The following AUTS2 variants were observed in gnomAD, a reference collection of about 807,000 sequenced individuals.
AUTS2 encodes autism susceptibility gene 2 protein.
In AUTS2, 17 loss-of-function variants were observed where a neutral mutation model predicts 112.4. The observed-to-expected ratio is 0.15, with a 90% confidence interval of 0.10 to 0.23. The LOEUF (loss-of-function observed/expected upper bound fraction) is 0.23, where lower values mean the gene tolerates loss of function less well. AUTS2 is among the 10% of genes least tolerant of loss of function. The probability of loss-of-function intolerance (pLI) is 1.00; values close to 1 mark genes in which losing one functional copy is unlikely to be tolerated. For synonymous variants in AUTS2, 751 were observed against 702.7 expected, an observed-to-expected ratio of 1.07 and a Z score of -1.09; for missense variants, 1,510 against 1,701.6, an observed-to-expected ratio of 0.89 and a Z score of 1.98.
At chr7:69,983,442 A>T in intron 2 of AUTS2, among the ~76,000 whole-genome samples, 1 of 151,320 alleles carries the variant, frequency 6.6e-6, no homozygotes, top group South Asian at 2.1e-4. Context: ...CATCTGAGTT[A>T]TTGGGGGTGA....
chr7:69,702,214 A>C (rs1003961667), intron 1 of AUTS2, among the ~76,000 whole-genome samples: 23 of 152,272 alleles, frequency 1.5e-4, no homozygotes, highest in African/African-American at 5.1e-4. Flanking sequence ...CATTTTGGGG[A>C]AAGTAGGTAC....
At chr7:69,918,170 G>A (rs1470922256) in intron 2 of AUTS2, among the ~76,000 whole-genome samples, 1 of 152,072 alleles carries the variant, frequency 6.6e-6, no homozygotes, top group African/African-American at 2.4e-5. Context: ...CTAAGAAAAT[G>A]TTCAGTTTGT....
At chr7:69,727,236 G>T (rs1786560210) in intron 1 of AUTS2, among the ~76,000 whole-genome samples, 1 of 152,090 alleles carries the variant, frequency 6.6e-6, no homozygotes, top group South Asian at 2.1e-4. Context: ...AGTCGTTCCA[G>T]CACTATTTGT....
At chr7:69,971,156 C>T (rs576447538) in intron 2 of AUTS2, among the ~76,000 whole-genome samples, 7 of 152,172 alleles carry the variant, frequency 4.6e-5, no homozygotes, top group Admixed American at 1.3e-4. Flanking sequence ...TTAGCTTGGG[C>T]GACAGAGCAA....
At chr7:69,604,402 T>G (rs1011181931) in intron 1 of AUTS2, among the ~76,000 whole-genome samples, 7 of 152,198 alleles carry the variant, frequency 4.6e-5, no homozygotes, top group African/African-American at 1.7e-4. Flanking sequence ...CAAACATAAA[T>G]CTAGCGTTTT....
In AUTS2 at chr7:70,639,616, CAAA is replaced by C. The variant is rs5884790; in HGVS notation, c.691-58935_691-58933del. Among the ~76,000 whole-genome samples the C allele has an allele frequency of 3.1e-3, 234 of 75,046 alleles. 1 individual carries two copies. Among genetic ancestry groups the C allele is most frequent in the African/African-American group, 0.013 (222 of 17,402 alleles). The allele number at this position is 75,046 out of a possible 152,430, so 49.2% of individuals were successfully genotyped here. ...TGGGTGATAGAGCGAGACCCTGTCT[CAAA>C]AAAAAAAAAAAAAAAAATAGGGAAT... On this transcript the variant is annotated intron_variant, in intron 5 of 18. Transcript: ENST00000342771.
chr7:70,149,373 A>C (rs1194947461), intron 4 of AUTS2, among the ~76,000 whole-genome samples: 2 of 152,078 alleles, frequency 1.3e-5, no homozygotes, highest in Non-Finnish European at 2.9e-5. Context: ...GAAAAATGGC[A>C]GCATACACAT....
At chr7:70,399,834 A>G (rs1241387755) in intron 4 of AUTS2, among the ~76,000 whole-genome samples, 1 of 152,248 alleles carries the variant, frequency 6.6e-6, no homozygotes. Context: ...CATACAGCCC[A>G]GTGGAGGAGA....
chr7:70,790,776 C>T lies in AUTS2; in HGVS notation c.3560C>T (p.Pro1187Leu), dbSNP rs1554489359. 6.2e-7 allele frequency: 1 copy of T among 1,612,774 alleles called. No homozygotes were observed. The highest frequency in any genetic ancestry group is 8.5e-7 in the Non-Finnish European group (1 of 1,179,598). The change falls in exon 19 of 19, where the codon CCG (proline) becomes CTG (leucine). Residue 1187 changes from proline to leucine, a missense_variant. By Grantham distance (98) the Pro-to-Leu change is moderately conservative. This residue lies in a region of AUTS2 where 788 missense variants were observed against 797.6 expected (regional missense o/e 0.99). Coordinates refer to ENST00000342771, the MANE Select transcript of AUTS2 (RefSeq NM_015570.4). The surrounding 1 kb of genome is among the most constrained non-coding windows in gnomAD (Gnocchi z 7.6). Reference protein sequence around the residue: ...GHLPHPSLITPGLPSMHYPRI... With the variant: ...GHLPHPSLITLGLPSMHYPRI... ...CTCCCCCACCCCAGCCTCATCACCCCGGGACTCCCCAGCATGCACTATCCC... is the reference window on the plus strand; with the variant it reads ...CTCCCCCACCCCAGCCTCATCACCCTGGGACTCCCCAGCATGCACTATCCC...
At chr7:70,251,731 T>C (rs1253075796) in intron 4 of AUTS2, among the ~76,000 whole-genome samples, 1 of 152,194 alleles carries the variant, frequency 6.6e-6, no homozygotes, top group Non-Finnish European at 1.5e-5. Context: ...ACCTAATCTA[T>C]TGTTAATTCT....
At chr7:70,701,086 A>G (rs1330323891) in intron 6 of AUTS2, among the ~76,000 whole-genome samples, 6 of 152,258 alleles carry the variant, frequency 3.9e-5, no homozygotes, top group East Asian at 3.8e-4. Context: ...TAAGTTACAC[A>G]TCACTTCTCC....
chr7:70,031,113 A>T (rs1800759009), intron 2 of AUTS2, among the ~76,000 whole-genome samples: 2 of 152,182 alleles, frequency 1.3e-5, no homozygotes, highest in Admixed American at 1.3e-4. Flanking sequence ...TCGCTCTCCA[A>T]TCTGAGTCTA....
At chr7:70,193,568 G>T (rs1810016279) in intron 4 of AUTS2, among the ~76,000 whole-genome samples, 1 of 152,154 alleles carries the variant, frequency 6.6e-6, no homozygotes. Flanking sequence ...GATGTTTAAG[G>T]ACACCTCGTC....
intron 6 of AUTS2, among the ~76,000 whole-genome samples, chr7:70,741,179 GTTTAT>G (rs1276062972): frequency 6.6e-6 from 1 of 151,912 alleles, no homozygotes. Flanking sequence ...TTAAGATAAG[GTTTAT>G]TTTATCAGGA....
intron 1 of AUTS2, among the ~76,000 whole-genome samples, chr7:69,631,579 A>G (rs1423759858): frequency 6.6e-6 from 1 of 152,200 alleles, no homozygotes; most frequent in Non-Finnish European, 1.5e-5. Context: ...CAGTTTTCTT[A>G]CAGTATATAA....
At chr7:70,332,205 ATT>A (rs1790785785) in intron 4 of AUTS2, among the ~76,000 whole-genome samples, 1 of 152,214 alleles carries the variant, frequency 6.6e-6, no homozygotes, top group Non-Finnish European at 1.5e-5. Context: ...GTGAACTCCC[ATT>A]CACAATTGCT....
intron 2 of AUTS2, among the ~76,000 whole-genome samples, chr7:70,105,141 T>C (rs6953170): frequency 0.36 from 55,290 of 152,096 alleles, 10,578 homozygotes; most frequent in African/African-American, 0.48. Flanking sequence ...TGCCTTGTGA[T>C]CTGGCACAGA....
chr7:70,511,683 C>A (rs1282318287), intron 5 of AUTS2, among the ~76,000 whole-genome samples: 1 of 146,872 alleles, frequency 6.8e-6, no homozygotes, highest in Non-Finnish European at 1.5e-5. Context: ...TCAAGCGATT[C>A]TCCTGCCTCA....
chr7:70,427,716 C>T (rs377702606), intron 4 of AUTS2, among the ~76,000 whole-genome samples: 2 of 152,136 alleles, frequency 1.3e-5, no homozygotes, highest in African/African-American at 4.8e-5. Flanking sequence ...GTTACCTGAA[C>T]ATTGTTGGTT....
Sources: gnomAD v4.1 joint callset for allele counts (sites outside exome capture counted in the v4.1 genomes callset) on GRCh38, gnomAD v4.1.1 for gene constraint, gnomAD v4.1.1 regional missense constraint, Gnocchi (gnomAD v3.1) non-coding constraint, MANE v1.5 for transcripts, NCBI Gene and HGNC (gene_info 2026-07-23, HGNC 2026-07-21) for gene names.